Variants in FGD3 observed in about 807,000 individuals in gnomAD.
The protein encoded by FGD3 is FYVE, RhoGEF and PH domain containing 3, also known as FYVE, RhoGEF and PH domain-containing protein 3.
A neutral mutation model predicts 71.8 loss-of-function variants in FGD3; 45 were observed. That is an observed-to-expected ratio of 0.63 (90% CI 0.49 to 0.80). The LOEUF is 0.80. Among genes scored for constraint, FGD3 ranks in the 30% least tolerant of loss-of-function variants. FGD3 has a pLI of 0.00. For missense variants in FGD3, 844 were observed against 951.5 expected, an observed-to-expected ratio of 0.89 and a Z score of 1.49; for synonymous variants, 378 against 392.8, an observed-to-expected ratio of 0.96 and a Z score of 0.44.
At chr9:92,974,749 G>A (rs1303161406) in intron 1 of FGD3, 3 of 152,416 alleles carry the variant, frequency 2.0e-5, no homozygotes, top group African/African-American at 4.8e-5. Context: ...ATCTAATTGT[G>A]AGTGTGAGTG....
intron 2 of FGD3, among the ~76,000 whole-genome samples, chr9:92,975,949 G>A (rs1424448420): frequency 6.6e-6 from 1 of 152,184 alleles, no homozygotes; most frequent in Non-Finnish European, 1.5e-5. Flanking sequence ...TCACACCACA[G>A]GGTTAATTTT....
intron 16 of FGD3, chr9:93,033,332 T>TCCTCCTCCC (rs1862439331): frequency 5.4e-6 from 1 of 185,710 alleles, no homozygotes; most frequent in Non-Finnish European, 1.0e-5. Flanking sequence ...CCCCTTCTCC[T>TCCTCCTCCC]CCTCCTCCCC....
chr9:92,970,626 G>C lies in FGD3; in HGVS notation c.-217-4612G>C, dbSNP rs149185050. On this transcript the variant is annotated intron_variant, in intron 1 of 17. Transcript: ENST00000375482. The stretch of plus-strand genomic sequence containing the variant: ...TTAGTCTCAAGCCTGCATAGCAAGT[G>C]GTTTCAGGAGGGACCTATTTTGCTC... 8.5e-4 allele frequency among the ~76,000 whole-genome samples: 129 copies of C among 152,310 alleles called. 4 individuals carry two copies. The East Asian group carries it at 0.021, about 25-fold the overall frequency.
intron 1 of FGD3, among the ~76,000 whole-genome samples, chr9:92,953,090 T>C (rs955915395): frequency 6.6e-6 from 1 of 152,246 alleles, no homozygotes; most frequent in African/African-American, 2.4e-5. Flanking sequence ...GTTGACGCTG[T>C]GCAGCTGCCG....
At chr9:93,029,736 C>A in intron 14 of FGD3, 138 bp from the exon 15 acceptor site, 1 of 1,176,898 alleles carries the variant, frequency 8.5e-7, no homozygotes, top group Non-Finnish European at 1.2e-6. Flanking sequence ...CTCTTCACTT[C>A]ATTCCCTTCT....
At chr9:93,023,834 C>T (rs976450039) in intron 14 of FGD3, among the ~76,000 whole-genome samples, 1 of 133,422 alleles carries the variant, frequency 7.5e-6, no homozygotes, top group East Asian at 2.3e-4. Flanking sequence ...GACGGAGTCG[C>T]TCTGTCGCCC....
chr9:93,014,504 A>G (rs562295532), intron 9 of FGD3, among the ~76,000 whole-genome samples: 2 of 149,140 alleles, frequency 1.3e-5, no homozygotes, highest in African/African-American at 5.0e-5. Flanking sequence ...CCTTGAATAA[A>G]CAATTATTTC....
In FGD3 at chr9:93,035,409, G is replaced by A. The variant is rs981462034; in HGVS notation, c.1998G>A (p.Leu666=). 1 of 1,612,008 alleles carries A rather than the reference G, an allele frequency of 6.2e-7. No individual in the cohort carries two copies. The highest frequency in any genetic ancestry group is 8.5e-7 in the Non-Finnish European group (1 of 1,179,328). The change falls in exon 18 of 18, where the codon CTG becomes CTA. Residue 666 remains leucine, a synonymous_variant. Transcript: ENST00000375482. Reference sequence around the variant, plus strand: ...GTGTGCCGGACCCTGAGGAGAGGCTGGACTCGGGGCATGTGTGGAAGCTGC... The same window carrying A: ...GTGTGCCGGACCCTGAGGAGAGGCTAGACTCGGGGCATGTGTGGAAGCTGC... ...KLSVPDPEER[L]DSGHVWKLQW...
rs564225865 is a variant in FGD3, at chr9:92,950,233, C to T, written c.-218+2504C>T. 2.9e-4 allele frequency among the ~76,000 whole-genome samples: 44 copies of T among 151,810 alleles called. No individual in the cohort carries two copies. In the East Asian group the frequency reaches 4.1e-3, roughly 14 times the overall value. ...GAGATCGAGACCATCCTGGCTAAGA[C>T]GGTGAAAACCCGCCTCTACTAAAAA... On this transcript the variant is annotated intron_variant, in intron 1 of 17. Transcript: ENST00000375482.
At chr9:93,000,055 T>TC (rs1187560336) in intron 3 of FGD3, among the ~76,000 whole-genome samples, 3 of 152,006 alleles carry the variant, frequency 2.0e-5, no homozygotes, top group African/African-American at 7.3e-5. Context: ...TAATTGATTT[T>TC]TTTTTGTAGT....
At chr9:93,011,320 T>C in intron 8 of FGD3, 48 bp downstream of exon 8, 1 of 1,610,578 alleles carries the variant, frequency 6.2e-7, no homozygotes. Context: ...GCAGCAAGAG[T>C]GAGGGCCAGG....
At chr9:93,033,432 C>T (rs988363132) in intron 16 of FGD3, 7 of 173,334 alleles carry the variant, frequency 4.0e-5, no homozygotes, top group Admixed American at 3.9e-4. Flanking sequence ...TGCTCCTTCT[C>T]CTCCCCGTAC....
intron 3 of FGD3, among the ~76,000 whole-genome samples, chr9:92,982,002 C>A (rs576133845): frequency 1.3e-5 from 2 of 152,306 alleles, no homozygotes; most frequent in African/African-American, 4.8e-5. Flanking sequence ...TCAATACCCT[C>A]CTTCTAGCTA....
intron 3 of FGD3, among the ~76,000 whole-genome samples, chr9:92,982,534 A>G (rs755671384): frequency 2.7e-5 from 4 of 150,458 alleles, no homozygotes; most frequent in Non-Finnish European, 5.9e-5. Context: ...TGGTAGTTCT[A>G]TGGTTTTTCT....
At chr9:92,950,918 C>T (rs944428360) in intron 1 of FGD3, among the ~76,000 whole-genome samples, 11 of 152,190 alleles carry the variant, frequency 7.2e-5, no homozygotes, top group African/African-American at 2.7e-4. Flanking sequence ...ACGTCCCCTG[C>T]GTCCAGCACT....
chr9:92,997,583 AT>A (rs1860696071), intron 3 of FGD3, among the ~76,000 whole-genome samples: 1 of 151,992 alleles, frequency 6.6e-6, no homozygotes, highest in Non-Finnish European at 1.5e-5. Context: ...GGTCTTTATA[AT>A]TTGGCACGTT....
chr9:93,009,244 CAG>C (rs780975462), intron 6 of FGD3, among the ~76,000 whole-genome samples: 9 of 147,462 alleles, frequency 6.1e-5, no homozygotes, highest in Non-Finnish European at 8.9e-5. Flanking sequence ...GCCCAGGCAA[CAG>C]AGCGAGACTC....
intron 13 of FGD3, 42 bp from the exon 14 acceptor site, chr9:93,022,285 G>A: frequency 6.3e-7 from 1 of 1,590,914 alleles, no homozygotes; most frequent in Non-Finnish European, 8.6e-7. Context: ...TGGCTGCGTG[G>A]CCCTGGAATC....
At chr9:92,948,349 T>C (rs1485674683) in intron 1 of FGD3, among the ~76,000 whole-genome samples, 1 of 152,248 alleles carries the variant, frequency 6.6e-6, no homozygotes, top group East Asian at 1.9e-4. Flanking sequence ...GGCAGAAGTT[T>C]GAGGTTCATT....
Sources: gnomAD v4.1 joint callset for allele counts (sites outside exome capture counted in the v4.1 genomes callset) on GRCh38, gnomAD v4.1.1 for gene constraint, MANE v1.5 for transcripts, NCBI Gene and HGNC (gene_info 2026-07-23, HGNC 2026-07-21) for gene names.